PRR11: variants seen among roughly 807,000 people sequenced by gnomAD.
PRR11 encodes proline rich 11.
A neutral mutation model predicts 45.6 loss-of-function variants in PRR11; 30 were observed. That is an observed-to-expected ratio of 0.66 (90% CI 0.49 to 0.89). PRR11 has a LOEUF of 0.89. PRR11 is among the 40% of genes least tolerant of loss of function. The pLI is 0.00. For missense variants in PRR11, 373 were observed against 424.8 expected, an observed-to-expected ratio of 0.88 and a Z score of 1.07; for synonymous variants, 128 against 153.5, an observed-to-expected ratio of 0.83 and a Z score of 1.23.
In PRR11 at chr17:59,206,335, C is replaced by T. The variant is rs1231615105; in HGVS notation, c.*4704C>T. Among the ~76,000 whole-genome samples the T allele has an allele frequency of 4.6e-5, 7 of 151,912 alleles. No individual in the cohort carries two copies. The highest frequency in any genetic ancestry group is 1.5e-4 in the African/African-American group (6 of 41,338). On this transcript the variant is annotated 3_prime_UTR_variant, in exon 10 of 10. Coordinates refer to ENST00000262293, the MANE Select transcript of PRR11 (RefSeq NM_018304.4). ...GAGCTGTGTTTATACCACTGCACTC[C>T]AGCCTGCTGGGTAACAGAGCAAGAC...
intron 1 of PRR11, among the ~76,000 whole-genome samples, chr17:59,166,812 A>G (rs2046682159): frequency 2.0e-5 from 3 of 152,186 alleles, no homozygotes; most frequent in African/African-American, 7.2e-5. Context: ...TAGTGTATCA[A>G]GTGGCATTGC....
At chr17:59,185,377 T>C in intron 3 of PRR11, 63 bp from the exon 4 acceptor site, 1 of 1,552,522 alleles carries the variant, frequency 6.4e-7, no homozygotes, top group Non-Finnish European at 8.7e-7. Context: ...ACTTTCTGGT[T>C]CCTGTTTTCT....
chr17:59,183,275 A>G (rs1022748223), intron 2 of PRR11, among the ~76,000 whole-genome samples: 1 of 152,130 alleles, frequency 6.6e-6, no homozygotes, highest in Non-Finnish European at 1.5e-5. Flanking sequence ...TTCTCCACTC[A>G]AAGCCTGAAG....
Position 59,197,529 on chromosome 17 carries a change from T to A in PRR11, c.858-15T>A, listed in dbSNP as rs781703542. ...GCCTCCCAAAGTTCTAATTTTTATA[T>A]CTTTGTTTTATCAGCACTCCTGGAA... is the stretch of plus-strand genomic sequence containing the variant. On this transcript the variant is annotated splice_polypyrimidine_tract_variant and intron_variant, in intron 7 of 9. Transcript: ENST00000262293. 22 of 1,611,428 alleles carry A rather than the reference T, an allele frequency of 1.4e-5. No individual in the cohort carries two copies. The highest frequency in any genetic ancestry group is 1.9e-5 in the Non-Finnish European group (22 of 1,177,944).
In PRR11 at chr17:59,202,085, T is replaced by G. The variant is rs145203908; in HGVS notation, c.*454T>G. On this transcript the variant is annotated 3_prime_UTR_variant, in exon 10 of 10. Coordinates refer to ENST00000262293, the MANE Select transcript of PRR11 (RefSeq NM_018304.4). ...TTAGAGTATGTATGGAGCCCACACA[T>G]ACTGTGATATAAAGTGTATATACAG... 883 of 163,530 alleles carry G rather than the reference T, an allele frequency of 5.4e-3. 12 individuals are homozygous for G. The highest frequency in any genetic ancestry group is 0.02 in the African/African-American group (834 of 41,840). 10.1% of individuals were successfully genotyped at this position (163,530 alleles called of 1,614,324 possible).
At chr17:59,181,794 A>G (rs2046788102) in intron 2 of PRR11, 2 of 1,545,526 alleles carry the variant, frequency 1.3e-6, no homozygotes, top group Admixed American at 3.4e-5. Flanking sequence ...GCAACTGATC[A>G]CCTTAGACCC....
At chr17:59,165,797 A>C (rs898216695) in intron 1 of PRR11, among the ~76,000 whole-genome samples, 3 of 152,180 alleles carry the variant, frequency 2.0e-5, no homozygotes, top group East Asian at 1.9e-4. Flanking sequence ...TGTCTCAAAA[A>C]AAAAACAAAA....
intron 1 of PRR11, among the ~76,000 whole-genome samples, chr17:59,163,941 T>A (rs1330291811): frequency 6.6e-6 from 1 of 152,120 alleles, no homozygotes; most frequent in African/African-American, 2.4e-5. Context: ...GGCAGGCGCC[T>A]GTAATCCCAA....
At chr17:59,187,960 C>T (rs1425202904) in intron 4 of PRR11, among the ~76,000 whole-genome samples, 1 of 151,886 alleles carries the variant, frequency 6.6e-6, no homozygotes. Flanking sequence ...TTTTAGGCAG[C>T]AGGAAGAAAG....
At chr17:59,165,311 C>A (rs982552806) in intron 1 of PRR11, among the ~76,000 whole-genome samples, 1 of 151,780 alleles carries the variant, frequency 6.6e-6, no homozygotes, top group African/African-American at 2.4e-5. Context: ...TGAGCCACCG[C>A]GCGTCCGGTC....
chr17:59,177,788 G>A (rs2046756364), intron 2 of PRR11, among the ~76,000 whole-genome samples: 1 of 152,196 alleles, frequency 6.6e-6, no homozygotes, highest in African/African-American at 2.4e-5. Context: ...GGCTGAGACA[G>A]GAGGATCAAG....
intron 2 of PRR11, among the ~76,000 whole-genome samples, chr17:59,182,523 C>G (rs1214927669): frequency 6.6e-6 from 1 of 150,760 alleles, no homozygotes; most frequent in Non-Finnish European, 1.5e-5. Flanking sequence ...TCCCAAATAG[C>G]TGGGATTACA....
chr17:59,179,567 C>G (rs2147844905), intron 2 of PRR11: 1 of 1,451,476 alleles, frequency 6.9e-7, no homozygotes, highest in Non-Finnish European at 9.3e-7. Context: ...CATATTTTTC[C>G]CATTGGAAAA....
chr17:59,170,261 A>T (rs2147837623), intron 2 of PRR11, among the ~76,000 whole-genome samples: 1 of 152,296 alleles, frequency 6.6e-6, no homozygotes, highest in Admixed American at 6.5e-5. Context: ...TCAGAAAAAA[A>T]AAAGAAGGCC....
At chr17:59,179,642 C>T (rs1411988978) in intron 2 of PRR11, 1 of 1,510,154 alleles carries the variant, frequency 6.6e-7, no homozygotes, top group African/African-American at 1.4e-5. Flanking sequence ...CTGGGGTGTC[C>T]TCCTACCAAG....
chr17:59,157,505 C>T (rs996186286), intron 1 of PRR11, among the ~76,000 whole-genome samples: 2 of 152,112 alleles, frequency 1.3e-5, no homozygotes, highest in Admixed American at 1.3e-4. Context: ...AGTTCAAGAC[C>T]AGCCTGGCCA....
intron 1 of PRR11, chr17:59,160,895 A>AT (rs750099483): frequency 6.5e-4 from 93 of 143,308 alleles, no homozygotes; most frequent in Non-Finnish European, 7.7e-4. Context: ...CCACGCCAGG[A>AT]TTTTTTTTTT....
chr17:59,200,033 G>C lies in PRR11; in HGVS notation c.1015-1530G>C, dbSNP rs185910331. Among the ~76,000 whole-genome samples the C allele has an allele frequency of 1.2e-4, 19 of 152,260 alleles. No homozygotes were observed. The East Asian group carries it at 3.5e-3, about 28-fold the overall frequency. Reference sequence around the variant, plus strand: ...CTGCCCCTACTTCATAGCAGGTACAGTGAGTTGAGAACTCTGGAAATGGAT... The same window carrying C: ...CTGCCCCTACTTCATAGCAGGTACACTGAGTTGAGAACTCTGGAAATGGAT... On this transcript the variant is annotated intron_variant, in intron 9 of 9. Coordinates refer to ENST00000262293, the MANE Select transcript of PRR11 (RefSeq NM_018304.4).
intron 1 of PRR11, among the ~76,000 whole-genome samples, chr17:59,158,980 T>C (rs1203052836): frequency 1.3e-5 from 2 of 152,138 alleles, no homozygotes; most frequent in Non-Finnish European, 2.9e-5. Flanking sequence ...CCACCACACC[T>C]GGCTAATTTT....
Sources: gnomAD v4.1 joint callset for allele counts (sites outside exome capture counted in the v4.1 genomes callset) on GRCh38, gnomAD v4.1.1 for gene constraint, MANE v1.5 for transcripts, NCBI Gene and HGNC (gene_info 2026-07-23, HGNC 2026-07-21) for gene names.